Variants in CD8B observed in about 807,000 individuals in gnomAD.
CD8B encodes the protein T-cell surface glycoprotein CD8 beta chain.
In CD8B, 6 loss-of-function variants were observed where a neutral mutation model predicts 24.2. The observed-to-expected ratio is 0.25, with a 90% CI of 0.14 to 0.49. The LOEUF (loss-of-function observed/expected upper bound fraction) is 0.49. Ranked by LOEUF, CD8B falls within the 20% of genes least tolerant of loss-of-function variation. The pLI is 0.98. For missense variants in CD8B, 196 were observed against 271.3 expected, an observed-to-expected ratio of 0.72 and a Z score of 1.95; for synonymous variants, 84 against 108.3, an observed-to-expected ratio of 0.78 and a Z score of 1.39.
At chr2:86,832,167 G>A (rs1558751448) in intron 5 of CD8B, among the ~76,000 whole-genome samples, 1 of 152,150 alleles carries the variant, frequency 6.6e-6, no homozygotes, top group Non-Finnish European at 1.5e-5. Flanking sequence ...ATTACCTTGA[G>A]TGATTATAAA....
chr2:86,841,808 A>G lies in CD8B; in HGVS notation c.*499T>C, dbSNP rs1675440017. 1.0e-6 allele frequency: 1 copy of G among 985,790 alleles called. No individual in the cohort carries two copies. Among genetic ancestry groups the G allele is most frequent in the African/African-American group, 1.7e-5 (1 of 57,364 alleles). 61.1% of individuals were successfully genotyped at this position (985,790 alleles called of 1,614,324 possible). On this transcript the variant is annotated 3_prime_UTR_variant, in exon 6 of 6. Transcript: ENST00000390655. ...CTGATATGCCTTCTGGGAACTGGAC[A>G]GCCCCTCTCAGCAAGCCTCATTCCC...
intron 3 of CD8B, 109 bp downstream of exon 3, chr2:86,852,888 G>A (rs1257943921): frequency 1.4e-6 from 2 of 1,447,840 alleles, no homozygotes; most frequent in South Asian, 1.3e-5. Context: ...GGGGAGATAG[G>A]CTCTAGAGTT....
chr2:86,821,951 C>G lies in CD8B; in HGVS notation c.621-6233G>C, dbSNP rs903698456. ...TTTGAAGGGCTGGCGCAGGCTTGGGCACTTCTTTCAGGTTCTGTATTGTAT... is the reference window on the plus strand; with the variant it reads ...TTTGAAGGGCTGGCGCAGGCTTGGGGACTTCTTTCAGGTTCTGTATTGTAT... On this transcript the variant is annotated intron_variant, in intron 5 of 5. Transcript: ENST00000331469. 2.0e-5 allele frequency among the ~76,000 whole-genome samples: 3 copies of G among 152,266 alleles called. No homozygotes were observed. The East Asian group carries it at 5.8e-4, about 29-fold the overall frequency.
chr2:86,824,386 A>G (rs12612585), intron 5 of CD8B, among the ~76,000 whole-genome samples: 39,747 of 152,060 alleles, frequency 0.26, 5,687 homozygotes, highest in Non-Finnish European at 0.33. Context: ...TGTGTGTGCA[A>G]TGTCTGTTGT....
downstream of CD8B, among the ~76,000 whole-genome samples, chr2:86,835,300 G>A (rs1675132404): frequency 6.6e-6 from 1 of 152,228 alleles, no homozygotes; most frequent in African/African-American, 2.4e-5. Context: ...AAGCCTGCTT[G>A]TCTTGTGGAA....
At chr2:86,861,346 C>T (rs546186850) in intron 1 of CD8B, among the ~76,000 whole-genome samples, 1 of 152,098 alleles carries the variant, frequency 6.6e-6, no homozygotes, top group Non-Finnish European at 1.5e-5. Context: ...ATCACCCTGC[C>T]CTAGCCCTCC....
Position 86,839,366 on chromosome 2 carries a change from G to A in CD8B, c.*2941C>T, listed in dbSNP as rs1161933447. 2.0e-5 allele frequency among the ~76,000 whole-genome samples: 3 copies of A among 152,186 alleles called. No individual in the cohort carries two copies. The highest frequency in any genetic ancestry group is 4.8e-5 in the African/African-American group (2 of 41,436). On this transcript the variant is annotated 3_prime_UTR_variant, in exon 6 of 6. Transcript: ENST00000390655. ...AACACTAGAAGGAACAATCTGATGC[G>A]TATTTCTTTGTGCATGCCACTTTTT...
intron 5 of CD8B, among the ~76,000 whole-genome samples, chr2:86,822,658 G>C (rs547462808): frequency 6.6e-6 from 1 of 152,182 alleles, no homozygotes; most frequent in Non-Finnish European, 1.5e-5. Flanking sequence ...TTCCCTTGCT[G>C]TTGTTTCTAG....
intron 5 of CD8B, among the ~76,000 whole-genome samples, chr2:86,817,060 G>C (rs1318895580): frequency 6.6e-6 from 1 of 152,148 alleles, no homozygotes. Flanking sequence ...CAAATAAAAA[G>C]ATGCCAAACA....
downstream of CD8B, among the ~76,000 whole-genome samples, chr2:86,836,081 C>G (rs999777684): frequency 6.7e-6 from 1 of 150,198 alleles, no homozygotes; most frequent in Non-Finnish European, 1.5e-5. Context: ...GTAAACATCC[C>G]GAGTGGTCCT....
intron 1 of CD8B, among the ~76,000 whole-genome samples, chr2:86,859,768 C>T (rs1362717184): frequency 2.0e-5 from 3 of 151,446 alleles, no homozygotes; most frequent in Admixed American, 2.0e-4. Flanking sequence ...ACAGAGAGGA[C>T]ACAGACCTGG....
chr2:86,835,775 T>C (rs143810811), downstream of CD8B, among the ~76,000 whole-genome samples: 11,081 of 125,214 alleles, frequency 0.088, 128 homozygotes, highest in Middle Eastern at 0.13. Flanking sequence ...CAGCCAAACA[T>C]AACTTTTTTG....
chr2:86,855,747 A>G (rs111957812), intron 2 of CD8B, among the ~76,000 whole-genome samples: 3 of 151,806 alleles, frequency 2.0e-5, no homozygotes, highest in African/African-American at 4.8e-5. Context: ...GTTCTGTTTG[A>G]CTTATTTTCT....
At chr2:86,833,882 C>A (rs1675058243), downstream of CD8B, among the ~76,000 whole-genome samples, 1 of 151,900 alleles carries the variant, frequency 6.6e-6, no homozygotes, top group South Asian at 2.1e-4. Context: ...AACTCCTGAC[C>A]TCGTGATCCG....
intron 5 of CD8B, among the ~76,000 whole-genome samples, chr2:86,825,974 A>ACTGG (rs1365220467): frequency 6.6e-6 from 1 of 151,620 alleles, no homozygotes. Context: ...GACCTCCGCC[A>ACTGG]CTGGAGCTCT....
chr2:86,842,823 CA>C (rs2104542502), intron 5 of CD8B, among the ~76,000 whole-genome samples: 1 of 152,244 alleles, frequency 6.6e-6, no homozygotes, highest in African/African-American at 2.4e-5. Context: ...AGTGTAAACC[CA>C]GACAATAGAA....
intron 5 of CD8B, among the ~76,000 whole-genome samples, chr2:86,817,933 G>C (rs1248705022): frequency 1.3e-5 from 2 of 152,218 alleles, no homozygotes; most frequent in African/African-American, 4.8e-5. Context: ...TCACTGGCTG[G>C]GTGCAGTGGC....
At chr2:86,837,871 C>T (rs1242022194), downstream of CD8B, among the ~76,000 whole-genome samples, 3 of 152,172 alleles carry the variant, frequency 2.0e-5, no homozygotes, top group Non-Finnish European at 4.4e-5. Flanking sequence ...AAAGGAAGTA[C>T]TATAGATGTT....
At chr2:86,856,599 TG>T (rs887779329) in intron 2 of CD8B, among the ~76,000 whole-genome samples, 1 of 151,828 alleles carries the variant, frequency 6.6e-6, no homozygotes, top group African/African-American at 2.4e-5. Context: ...GGTCCCCTTG[TG>T]GCTTTTAGTG....
Sources: gnomAD v4.1 joint callset for allele counts (sites outside exome capture counted in the v4.1 genomes callset) on GRCh38, gnomAD v4.1.1 for gene constraint, MANE v1.5 for transcripts, NCBI Gene and HGNC (gene_info 2026-07-23, HGNC 2026-07-21) for gene names.